The following ATP6V1C1 variants were observed in gnomAD, a reference collection of about 807,000 sequenced individuals.
ATP6V1C1 encodes V-type proton ATPase subunit C 1.
Under a neutral mutation model 53.9 loss-of-function variants are expected in ATP6V1C1, and 45 were observed. The ratio of observed to expected loss-of-function variants is 0.83; its 90% CI spans 0.66 to 1.07. ATP6V1C1 has a LOEUF of 1.07. ATP6V1C1 is among the 50% of genes least tolerant of loss of function. The pLI, the probability that ATP6V1C1 is intolerant of heterozygous loss-of-function variation, is 0.00. For missense variants in ATP6V1C1, 315 were observed against 440.3 expected, an observed-to-expected ratio of 0.72 and a Z score of 2.55; for synonymous variants, 153 against 155.2, an observed-to-expected ratio of 0.99 and a Z score of 0.11.
At chr8:103,046,497 T>A (rs889587517) in intron 3 of ATP6V1C1, among the ~76,000 whole-genome samples, 7 of 152,084 alleles carry the variant, frequency 4.6e-5, no homozygotes, top group African/African-American at 1.7e-4. Flanking sequence ...CAGGCATGAG[T>A]CACTGTGCCT....
intron 1 of ATP6V1C1, among the ~76,000 whole-genome samples, chr8:103,024,632 A>G (rs1420166020): frequency 1.3e-5 from 2 of 152,246 alleles, no homozygotes; most frequent in African/African-American, 2.4e-5. Flanking sequence ...GTGGAATTAT[A>G]TATCATTTAT....
rs753878960 is a variant in ATP6V1C1, at chr8:103,064,755, A to T, written c.870A>T (p.Ala290=). 6 of 1,613,480 alleles carry T rather than the reference A, an allele frequency of 3.7e-6. No homozygotes were observed. The South Asian group carries it at 5.5e-5, about 15-fold the overall frequency. ...VRWLKVNFSE[A]FIAWIHVKAL... The stretch of plus-strand genomic sequence containing the variant: ...GGCTGAAAGTGAATTTTAGTGAAGC[A>T]TTTATTGCATGGATTCACGTGAAAG... Residue 290 remains alanine (A), a synonymous_variant, in exon 11 of 13, where the codon GCA becomes GCT. Transcript: ENST00000518738.
chr8:103,027,730 G>A (rs1512354), intron 1 of ATP6V1C1, among the ~76,000 whole-genome samples: 5,867 of 145,516 alleles, frequency 0.04, 118 homozygotes, highest in East Asian at 0.048. Context: ...CACACTTATT[G>A]CAGTCAGACA....
At chr8:103,038,029 C>T (rs1418756868) in intron 1 of ATP6V1C1, among the ~76,000 whole-genome samples, 2 of 152,202 alleles carry the variant, frequency 1.3e-5, no homozygotes, top group East Asian at 3.8e-4. Context: ...TGGTCTGTGT[C>T]AGTTGTCTCA....
chr8:103,068,763 C>G lies in ATP6V1C1; in HGVS notation c.*16C>G. 2 of 1,592,552 alleles carry G rather than the reference C, an allele frequency of 1.3e-6. No individual in the cohort carries two copies. The highest frequency in any genetic ancestry group is 1.7e-6 in the Non-Finnish European group (2 of 1,163,470). On this transcript the variant is annotated 3_prime_UTR_variant, in exon 13 of 13. Coordinates refer to ENST00000518738, the MANE Select transcript of ATP6V1C1 (RefSeq NM_001695.5). Reference sequence around the variant, plus strand: ...ATTCAAGTGAAAATGGGCTCCTCCCCCGACAATCCTGTCCTTGTGTTTGTG... The same window carrying G: ...ATTCAAGTGAAAATGGGCTCCTCCCGCGACAATCCTGTCCTTGTGTTTGTG...
At chr8:103,035,744 G>C (rs1337852249) in intron 1 of ATP6V1C1, among the ~76,000 whole-genome samples, 2 of 152,108 alleles carry the variant, frequency 1.3e-5, no homozygotes, top group Non-Finnish European at 2.9e-5. Flanking sequence ...AACTAGTAAG[G>C]GGGTAGAGTC....
In ATP6V1C1 at chr8:103,067,882, C is replaced by T. The variant is rs112530012; in HGVS notation, c.1054-770C>T. Reference sequence around the variant, plus strand: ...TTACAGGCGTGAGCCACCTTGCCCCCGGCCAACTTGCTCCACTTTCATGCA... The same window carrying T: ...TTACAGGCGTGAGCCACCTTGCCCCTGGCCAACTTGCTCCACTTTCATGCA... On this transcript the variant is annotated intron_variant, in intron 12 of 12. Coordinates refer to ENST00000518738, the MANE Select transcript of ATP6V1C1 (RefSeq NM_001695.5). Among the ~76,000 whole-genome samples the T allele has an allele frequency of 2.5e-3, 378 of 152,240 alleles. 1 individual carries two copies. Among genetic ancestry groups the T allele is most frequent in the African/African-American group, 8.1e-3 (336 of 41,544 alleles).
intron 5 of ATP6V1C1, among the ~76,000 whole-genome samples, chr8:103,051,766 C>T (rs939758452): frequency 2.0e-5 from 3 of 151,970 alleles, no homozygotes; most frequent in African/African-American, 7.2e-5. Context: ...TTTTTCCCCC[C>T]AAGATCTGTT....
chr8:103,029,390 C>T (rs1816754156), intron 1 of ATP6V1C1, among the ~76,000 whole-genome samples: 1 of 151,842 alleles, frequency 6.6e-6, no homozygotes, highest in Non-Finnish European at 1.5e-5. Flanking sequence ...TTGCCTCAGC[C>T]TCCCAAGTAG....
At chr8:103,034,792 A>G (rs1243735961) in intron 1 of ATP6V1C1, among the ~76,000 whole-genome samples, 1 of 151,924 alleles carries the variant, frequency 6.6e-6, no homozygotes, top group Non-Finnish European at 1.5e-5. Flanking sequence ...GCAGGTCTTG[A>G]ACTCTTGATC....
At chr8:103,041,512 C>G (rs1817000111) in intron 2 of ATP6V1C1, among the ~76,000 whole-genome samples, 1 of 150,100 alleles carries the variant, frequency 6.7e-6, no homozygotes, top group South Asian at 2.1e-4. Context: ...GATCATGATA[C>G]TGACATTTTG....
At chr8:103,023,956 C>T (rs3824225) in intron 1 of ATP6V1C1, among the ~76,000 whole-genome samples, 10,362 of 151,888 alleles carry the variant, frequency 0.068, 455 homozygotes, top group East Asian at 0.16. Context: ...TGAACTTTTT[C>T]TAGTAGAACA....
chr8:103,021,687 G>C (rs3779911), intron 1 of ATP6V1C1, among the ~76,000 whole-genome samples: 9 of 151,986 alleles, frequency 5.9e-5, no homozygotes, highest in Admixed American at 5.9e-4. Context: ...AGGCCTAGGA[G>C]CCCCTAACTG....
chr8:103,067,169 C>T lies in ATP6V1C1; in HGVS notation c.1053+722C>T, dbSNP rs147210603. Reference sequence around the variant, plus strand: ...ATCCCAGCACTTTGGGAGGCCGAGGCGGGGGGATCACCTTAAGTCAGGAGT... The same window carrying T: ...ATCCCAGCACTTTGGGAGGCCGAGGTGGGGGGATCACCTTAAGTCAGGAGT... On this transcript the variant is annotated intron_variant, in intron 12 of 12. Transcript: ENST00000518738. Among the ~76,000 whole-genome samples, 351 of 151,932 alleles carry T rather than the reference C, an allele frequency of 2.3e-3. 1 individual carries two copies. The highest frequency in any genetic ancestry group is 3.8e-3 in the Non-Finnish European group (259 of 67,932).
chr8:103,033,815 G>A (rs998845342), intron 1 of ATP6V1C1, among the ~76,000 whole-genome samples: 5 of 152,214 alleles, frequency 3.3e-5, no homozygotes, highest in African/African-American at 1.2e-4. Flanking sequence ...CACGTGAAGT[G>A]TTTTGACTTG....
Position 103,033,358 on chromosome 8 carries a change from G to GA in ATP6V1C1, c.-39-7434dup, listed in dbSNP as rs1382280884. Among the ~76,000 whole-genome samples the GA allele has an allele frequency of 2.0e-5, 3 of 152,140 alleles. No individual in the cohort carries two copies. The East Asian group carries it at 5.8e-4, about 29-fold the overall frequency. On this transcript the variant is annotated intron_variant, in intron 1 of 12. Coordinates refer to ENST00000518738, the MANE Select transcript of ATP6V1C1 (RefSeq NM_001695.5). ...ATATTTTAATAAAGTTGATTTTATAGAAAAAACGGGAAGTGAGGGAAGCTA... is the reference window on the plus strand; with the variant it reads ...ATATTTTAATAAAGTTGATTTTATAGAAAAAAACGGGAAGTGAGGGAAGCTA...
At chr8:103,057,272 A>G (rs112993742) in intron 8 of ATP6V1C1, among the ~76,000 whole-genome samples, 5 of 152,298 alleles carry the variant, frequency 3.3e-5, no homozygotes, top group African/African-American at 7.2e-5. Flanking sequence ...AGTGAGCCTC[A>G]TTGGTTGCAG....
intron 1 of ATP6V1C1, among the ~76,000 whole-genome samples, chr8:103,022,341 A>C (rs974461441): frequency 3.3e-5 from 5 of 152,184 alleles, no homozygotes; most frequent in African/African-American, 1.2e-4. Context: ...AGTGGATTGC[A>C]CTGCGGAGAA....
intron 3 of ATP6V1C1, among the ~76,000 whole-genome samples, chr8:103,044,753 T>C (rs1219073987): frequency 6.6e-6 from 1 of 152,030 alleles, no homozygotes; most frequent in Non-Finnish European, 1.5e-5. Context: ...CAGTGTCAAA[T>C]TTCTGCAAAT....
Sources: gnomAD v4.1 joint callset for allele counts (sites outside exome capture counted in the v4.1 genomes callset) on GRCh38, gnomAD v4.1.1 for gene constraint, MANE v1.5 for transcripts, NCBI Gene and HGNC (gene_info 2026-07-23, HGNC 2026-07-21) for gene names.